The following MAP2 variants were observed in gnomAD, a reference collection of about 807,000 sequenced individuals.
MAP2 encodes microtubule-associated protein 2.
Under a neutral mutation model 137.6 loss-of-function variants are expected in MAP2, and 14 were observed. The observed-to-expected ratio is 0.10, with a 90% CI of 0.07 to 0.16. MAP2 has a LOEUF of 0.16. MAP2 is among the 10% of genes least tolerant of loss of function. The probability of loss-of-function intolerance (pLI) is 1.00; values close to 1 mark genes in which losing one functional copy is unlikely to be tolerated. For synonymous variants in MAP2, 786 were observed against 782.3 expected, an observed-to-expected ratio of 1.00 and a Z score of -0.08; for missense variants, 2,088 against 2,191.5, an observed-to-expected ratio of 0.95 and a Z score of 0.94.
chr2:209,425,898 G>A (rs941235314), intron 1 of MAP2, among the ~76,000 whole-genome samples: 43 of 152,140 alleles, frequency 2.8e-4, no homozygotes, highest in Non-Finnish European at 5.1e-4. Flanking sequence ...CCCTTTAACC[G>A]GGCAATAGGT....
chr2:209,536,405 T>TA (rs1401786803), intron 2 of MAP2, among the ~76,000 whole-genome samples: 3 of 152,348 alleles, frequency 2.0e-5, no homozygotes, highest in South Asian at 4.1e-4. Context: ...TGTATACTGT[T>TA]ACCCAGCTTC....
intron 4 of MAP2, among the ~76,000 whole-genome samples, chr2:209,630,978 T>C (rs988676914): frequency 1.9e-5 from 2 of 106,112 alleles, no homozygotes; most frequent in Non-Finnish European, 3.5e-5. Flanking sequence ...GAAAGTAGCA[T>C]TTTTCAAGAT....
chr2:209,669,254 C>T (rs1203010749), intron 5 of MAP2, among the ~76,000 whole-genome samples: 9 of 152,174 alleles, frequency 5.9e-5, no homozygotes, highest in East Asian at 1.9e-4. Context: ...AATCTGATTA[C>T]GCAGAAGTCA....
At chr2:209,508,721 G>A (rs931123686) in intron 2 of MAP2, among the ~76,000 whole-genome samples, 5 of 151,888 alleles carry the variant, frequency 3.3e-5, no homozygotes, top group African/African-American at 1.2e-4. Context: ...TATGCCTATA[G>A]ATAATTGGAA....
chr2:209,545,375 G>A (rs987410174), intron 2 of MAP2, among the ~76,000 whole-genome samples: 7 of 152,172 alleles, frequency 4.6e-5, no homozygotes, highest in Non-Finnish European at 1.0e-4. Flanking sequence ...AGAGATACAA[G>A]TGTTAGTAAA....
At chr2:209,535,411 C>G (rs1388504110) in intron 2 of MAP2, among the ~76,000 whole-genome samples, 1 of 152,184 alleles carries the variant, frequency 6.6e-6, no homozygotes, top group Non-Finnish European at 1.5e-5. Flanking sequence ...GTAGACAGGT[C>G]TTTGATCCCT....
At chr2:209,429,765 G>C (rs1693738740) in intron 1 of MAP2, among the ~76,000 whole-genome samples, 1 of 152,076 alleles carries the variant, frequency 6.6e-6, no homozygotes, top group South Asian at 2.1e-4. Flanking sequence ...TATTTAAGTA[G>C]TAATGGATTT....
At chr2:209,451,738 G>A (rs538140499) in intron 1 of MAP2, among the ~76,000 whole-genome samples, 1 of 152,168 alleles carries the variant, frequency 6.6e-6, no homozygotes, top group Non-Finnish European at 1.5e-5. Context: ...GTGTATGTAG[G>A]CACAGCTGTA....
At chr2:209,553,533 G>A (rs1010450615) in intron 2 of MAP2, among the ~76,000 whole-genome samples, 2 of 152,120 alleles carry the variant, frequency 1.3e-5, no homozygotes, top group South Asian at 2.1e-4. Context: ...ATTTCCTGAT[G>A]TAAATGACTG....
At chr2:209,581,756 C>T (rs2076464812) in intron 3 of MAP2, among the ~76,000 whole-genome samples, 1 of 152,044 alleles carries the variant, frequency 6.6e-6, no homozygotes, top group South Asian at 2.1e-4. Context: ...TATTTAACTG[C>T]TAAAAAATGA....
chr2:209,605,941 A>T (rs529744890), intron 3 of MAP2, among the ~76,000 whole-genome samples: 2 of 152,304 alleles, frequency 1.3e-5, no homozygotes, highest in East Asian at 3.9e-4. Context: ...CTGGAAATCA[A>T]CTCAAGAGGA....
chr2:209,645,866 A>G (rs1051842998), intron 4 of MAP2, among the ~76,000 whole-genome samples: 3 of 152,206 alleles, frequency 2.0e-5, no homozygotes, highest in Admixed American at 6.5e-5. Context: ...GAACAGATGT[A>G]TTTCCTGATA....
chr2:209,601,190 C>T (rs910706507), intron 3 of MAP2, among the ~76,000 whole-genome samples: 5 of 152,094 alleles, frequency 3.3e-5, no homozygotes, highest in African/African-American at 7.2e-5. Context: ...TAATTATTTA[C>T]GGTTATACTT....
chr2:209,441,239 C>T (rs34319559), intron 1 of MAP2, among the ~76,000 whole-genome samples: 20,447 of 151,362 alleles, frequency 0.14, 3,382 homozygotes, highest in African/African-American at 0.39. Context: ...AAAAAATCTT[C>T]TTGAAAAAAA....
chr2:209,682,132 T>G (rs1015457674), intron 7 of MAP2, among the ~76,000 whole-genome samples: 12 of 152,174 alleles, frequency 7.9e-5, no homozygotes, highest in African/African-American at 2.9e-4. Context: ...GGGCACATAT[T>G]TATTGAGCCC....
chr2:209,450,086 C>T (rs1368526716), intron 1 of MAP2, among the ~76,000 whole-genome samples: 1 of 152,104 alleles, frequency 6.6e-6, no homozygotes, highest in Non-Finnish European at 1.5e-5. Context: ...GGACTACAGA[C>T]ATGTACCACC....
At position 209,696,749 on chromosome 2, in the gene MAP2, G is replaced by T. The variant is rs1309363165; in HGVS notation, c.4387+1G>T. ...AGAGATGAAGTGAGAAGGAAAAAAG[G>T]TTCATTTAACAATCACTTCTTTAAA... On this transcript the variant is annotated splice_donor_variant, in intron 9 of 15. Coordinates refer to ENST00000682079, the MANE Select transcript of MAP2 (RefSeq NM_001375505.1). LOFTEE classifies it high-confidence loss of function. 1 of 1,599,346 alleles carries T rather than the reference G, an allele frequency of 6.3e-7. No individual in the cohort carries two copies. The highest frequency in any genetic ancestry group is 1.4e-5 in the African/African-American group (1 of 73,634).
At chr2:209,594,224 C>T (rs895988843) in intron 3 of MAP2, among the ~76,000 whole-genome samples, 2 of 150,538 alleles carry the variant, frequency 1.3e-5, no homozygotes, top group Non-Finnish European at 3.0e-5. Flanking sequence ...GATCTTTGCA[C>T]ATCCACCATG....
chr2:209,716,141 C>T (rs2067503284), intron 13 of MAP2, among the ~76,000 whole-genome samples: 1 of 152,200 alleles, frequency 6.6e-6, no homozygotes, highest in Non-Finnish European at 1.5e-5. Flanking sequence ...ACCAAACTTT[C>T]TCACCACATT....
Sources: allele counts gnomAD v4.1 joint callset (sites outside exome capture counted in the v4.1 genomes callset), GRCh38; gene constraint gnomAD v4.1.1; transcripts MANE v1.5; gene names NCBI Gene and HGNC (gene_info 2026-07-23, HGNC 2026-07-21).